Variants in PTPRT observed in about 807,000 individuals in gnomAD.
PTPRT encodes the protein protein tyrosine phosphatase receptor type T.
PTPRT carries 56 observed loss-of-function variants against 176.8 expected under a neutral mutation model. That is an observed-to-expected ratio of 0.32 (90% CI 0.26 to 0.40). The LOEUF is 0.40. Among genes scored for constraint, PTPRT ranks in the 10% least tolerant of loss-of-function variants. The probability of loss-of-function intolerance (pLI) is 1.00; values close to 1 mark genes in which losing one functional copy is unlikely to be tolerated. For synonymous variants in PTPRT, 783 were observed against 739.0 expected, an observed-to-expected ratio of 1.06 and a Z score of -0.96; for missense variants, 1,540 against 1,908.2, an observed-to-expected ratio of 0.81 and a Z score of 3.60.
At chr20:42,983,313 T>C (rs1983382792) in intron 1 of PTPRT, among the ~76,000 whole-genome samples, 1 of 152,158 alleles carries the variant, frequency 6.6e-6, no homozygotes, top group African/African-American at 2.4e-5. Flanking sequence ...GAAAATGAGT[T>C]GAGAAGGGAG....
intron 1 of PTPRT, among the ~76,000 whole-genome samples, chr20:42,965,890 C>G (rs1346467279): frequency 6.6e-6 from 1 of 152,134 alleles, no homozygotes; most frequent in Non-Finnish European, 1.5e-5. Flanking sequence ...CAAGGAATAG[C>G]TAGGAAAATT....
chr20:42,490,194 C>T (rs1601119531), intron 7 of PTPRT, among the ~76,000 whole-genome samples: 1 of 152,008 alleles, frequency 6.6e-6, no homozygotes, highest in African/African-American at 2.4e-5. Context: ...GTTTTTAATC[C>T]CTCCTTGAAG....
At chr20:42,041,231 C>T in the PTPRT span, among the ~76,000 whole-genome samples, 4 of 152,108 alleles carry the variant, frequency 2.6e-5, no homozygotes, top group Admixed American at 2.0e-4. Context: ...TCTCTCCGGC[C>T]CTGTGACTTT....
chr20:42,855,405 A>G (rs371780531), intron 2 of PTPRT, among the ~76,000 whole-genome samples: 1 of 151,760 alleles, frequency 6.6e-6, no homozygotes, highest in Non-Finnish European at 1.5e-5. Context: ...GGCCAAAATG[A>G]AAGAAGAGTA....
chr20:42,893,861 TG>T (rs1444197075), intron 1 of PTPRT, among the ~76,000 whole-genome samples: 1 of 141,328 alleles, frequency 7.1e-6, no homozygotes. Flanking sequence ...GGGACTGTTG[TG>T]GGGTGGGGGG....
intron 7 of PTPRT, among the ~76,000 whole-genome samples, chr20:42,490,222 T>A (rs936021832): frequency 1.3e-5 from 2 of 152,134 alleles, no homozygotes; most frequent in Non-Finnish European, 2.9e-5. Context: ...CTATGATTTT[T>A]CCCCTCTATA....
In PTPRT at chr20:42,796,823, G is replaced by T. The variant is rs527331901; in HGVS notation, c.215-5357C>A. ...CAATGTAGGATGCTTCTAACAAGGG[G>T]TCCCTGGGATAAACTGGAACCCAAG... is the stretch of plus-strand genomic sequence containing the variant. On this transcript the variant is annotated intron_variant, in intron 2 of 30. Transcript: ENST00000373187. Among the ~76,000 whole-genome samples, 7 of 152,272 alleles carry T rather than the reference G, an allele frequency of 4.6e-5. No homozygotes were observed. In the South Asian group the frequency reaches 1.4e-3, roughly 32 times the overall value.
intron 9 of PTPRT, among the ~76,000 whole-genome samples, chr20:42,373,615 G>T (rs1049151511): frequency 1.3e-5 from 2 of 152,194 alleles, no homozygotes; most frequent in African/African-American, 2.4e-5. Flanking sequence ...ATTCGCAGTT[G>T]TAATAATAGA....
chr20:42,081,856 T>C (rs1983356964), intron 30 of PTPRT, 26 bp downstream of exon 30: 1 of 1,613,356 alleles, frequency 6.2e-7, no homozygotes. Context: ...CCCTGGCTGT[T>C]GGAGAACAGT....
At chr20:42,564,119 C>T (rs966845429) in intron 7 of PTPRT, among the ~76,000 whole-genome samples, 2 of 152,216 alleles carry the variant, frequency 1.3e-5, no homozygotes, top group Non-Finnish European at 2.9e-5. Flanking sequence ...AACATAACCA[C>T]AGGGTAACCC....
At chr20:42,689,687 C>A (rs141234517) in intron 6 of PTPRT, among the ~76,000 whole-genome samples, 1 of 152,288 alleles carries the variant, frequency 6.6e-6, no homozygotes, top group East Asian at 1.9e-4. Context: ...GAGTAGGGAG[C>A]ATATCCTGGA....
intron 7 of PTPRT, among the ~76,000 whole-genome samples, chr20:42,576,392 G>A (rs1238098340): frequency 1.3e-5 from 2 of 152,108 alleles, no homozygotes; most frequent in Non-Finnish European, 2.9e-5. Flanking sequence ...CTTGCAGCAC[G>A]GTGCCTGGCC....
chr20:42,286,320 C>T (rs1600783289), intron 12 of PTPRT, among the ~76,000 whole-genome samples: 1 of 152,012 alleles, frequency 6.6e-6, no homozygotes, highest in East Asian at 1.9e-4. Flanking sequence ...CACTAACAGA[C>T]TTTAAAATAT....
Position 42,102,024 on chromosome 20 carries a change from G to C in PTPRT, c.3714+100C>G, listed in dbSNP as rs546585488. 1.2e-5 allele frequency: 17 copies of C among 1,390,148 alleles called. No individual in the cohort carries two copies. In the South Asian group the frequency reaches 2.3e-4, roughly 19 times the overall value. The allele number at this position is 1,390,148 out of a possible 1,614,324, so 86.1% of individuals were successfully genotyped here. On this transcript the variant is annotated intron_variant, in intron 26 of 30. Coordinates refer to ENST00000373187, the MANE Select transcript of PTPRT (RefSeq NM_007050.6). ...AGTAGATCAGAAGCAGGGGGGGCTG[G>C]CTGGTGGGGTCAGGGCCCTGAGGTC...
chr20:42,623,371 C>G (rs915397522), intron 7 of PTPRT, among the ~76,000 whole-genome samples: 2 of 152,338 alleles, frequency 1.3e-5, no homozygotes, highest in East Asian at 3.9e-4. Context: ...TGTGCTCCCC[C>G]TCCCGTAAGG....
rs933412085 is a variant in PTPRT, at chr20:42,118,648, C to G, written c.2885-148G>C. On this transcript the variant is annotated intron_variant, in intron 20 of 30. Transcript: ENST00000373187. ...GTTAAGACACCAAGTATCTGAGACACGGGCCTGAGACATGTGAGCCTGATG... is the reference window on the plus strand; with the variant it reads ...GTTAAGACACCAAGTATCTGAGACAGGGGCCTGAGACATGTGAGCCTGATG... The G allele has an allele frequency of 1.1e-5, 6 of 568,104 alleles. No individual in the cohort carries two copies. The Admixed American group carries it at 1.3e-4, about 12-fold the overall frequency. The allele number at this position is 568,104 out of a possible 1,614,324, so 35.2% of individuals were successfully genotyped here.
At chr20:43,183,846 G>A (rs556657062) in intron 1 of PTPRT, among the ~76,000 whole-genome samples, 16 of 152,322 alleles carry the variant, frequency 1.1e-4, no homozygotes, top group African/African-American at 1.7e-4. Flanking sequence ...CATCCATGGC[G>A]TAGCCTGTAT....
At chr20:42,595,268 C>T (rs2073651165) in intron 7 of PTPRT, among the ~76,000 whole-genome samples, 1 of 152,100 alleles carries the variant, frequency 6.6e-6, no homozygotes. Context: ...GCCTACTAAA[C>T]CAGGATTTCT....
chr20:43,053,077 T>C (rs1438578596), intron 1 of PTPRT, among the ~76,000 whole-genome samples: 1 of 151,376 alleles, frequency 6.6e-6, no homozygotes, highest in African/African-American at 2.4e-5. Flanking sequence ...AGGAGTGAAG[T>C]ACTAACACAG....
Sources: gnomAD v4.1 joint callset for allele counts (sites outside exome capture counted in the v4.1 genomes callset) on GRCh38, gnomAD v4.1.1 for gene constraint, MANE v1.5 for transcripts, NCBI Gene and HGNC (gene_info 2026-07-23, HGNC 2026-07-21) for gene names.